Variants in PFKFB2 observed in about 807,000 individuals in gnomAD.
The protein encoded by PFKFB2 is 6-phosphofructo-2-kinase/fructose-2,6-bisphosphatase 2.
A neutral mutation model predicts 68.0 loss-of-function variants in PFKFB2; 53 were observed. That is an observed-to-expected ratio of 0.78 (90% CI 0.63 to 0.98). The LOEUF is 0.98. Among genes scored for constraint, PFKFB2 ranks in the 50% least tolerant of loss-of-function variants. The pLI is 0.00. For missense variants in PFKFB2, 451 were observed against 642.0 expected, an observed-to-expected ratio of 0.70 and a Z score of 3.22; for synonymous variants, 222 against 227.6, an observed-to-expected ratio of 0.98 and a Z score of 0.22.
Position 207,075,411 on chromosome 1 carries a change from GA to G in PFKFB2, c.*3042del. On this transcript the variant is annotated 3_prime_UTR_variant, in exon 15 of 15. Transcript: ENST00000367080. The stretch of plus-strand genomic sequence containing the variant: ...AGCAGGAAGAAGCCAGGAGAATGTA[GA>G]ATGGAAAAGAGCTCTTACTCCAAAT... 2.0e-6 allele frequency: 2 copies of G among 985,418 alleles called. No individual in the cohort carries two copies. The highest frequency in any genetic ancestry group is 2.4e-6 in the Non-Finnish European group (2 of 829,914). The allele number at this position is 985,418 out of a possible 1,614,324, so 61.0% of individuals were successfully genotyped here.
chr1:207,077,646 C>T lies in PFKFB2; in HGVS notation c.*5275C>T. 1 of 985,704 alleles carries T rather than the reference C, an allele frequency of 1.0e-6. No individual in the cohort carries two copies. Among genetic ancestry groups the T allele is most frequent in the Non-Finnish European group, 1.2e-6 (1 of 829,840 alleles). 61.1% of individuals were successfully genotyped at this position (985,704 alleles called of 1,614,324 possible). On this transcript the variant is annotated 3_prime_UTR_variant, in exon 15 of 15. Transcript: ENST00000367080. ...TACTGTAGATTTCCTAGGCACTGCT[C>T]TGTTGAAATAGGAACATAAGTCTTT...
At chr1:207,060,680 T>G (rs1683059443) in intron 2 of PFKFB2, among the ~76,000 whole-genome samples, 1 of 152,204 alleles carries the variant, frequency 6.6e-6, no homozygotes, top group Non-Finnish European at 1.5e-5. Flanking sequence ...GGACCTATTA[T>G]AGGAGCCAGC....
Position 207,065,065 on chromosome 1 carries a change from T to C in PFKFB2, c.537T>C (p.Pro179=), listed in dbSNP as rs1683242907. Residue 179 remains proline, a synonymous_variant, in exon 8 of 15, where the codon CCT becomes CCC. Transcript: ENST00000367080. ...LEVKVSSPDY[P]ERNRENVMED... ...TTAAGGTATCAAGCCCTGACTATCC[T>C]GAAAGGAACAGAGAGAACGTGATGG... The C allele has an allele frequency of 1.2e-6, 2 of 1,613,948 alleles. No individual in the cohort carries two copies. The highest frequency in any genetic ancestry group is 1.3e-5 in the African/African-American group (1 of 74,910).
At position 207,071,083 on chromosome 1, in the gene PFKFB2, A is replaced by G. The variant is rs1030019045; in HGVS notation, c.1223-105A>G. On this transcript the variant is annotated intron_variant, in intron 12 of 14. Transcript: ENST00000367080. ...GTTGTACAACTCTAAGAGGTGGTCA[A>G]AGTAAGGGAAACTCATTATGAGCTC... The G allele has an allele frequency of 1.1e-5, 10 of 914,778 alleles. No homozygotes were observed. The African/African-American group carries it at 1.6e-4, about 15-fold the overall frequency. 56.7% of individuals were successfully genotyped at this position (914,778 alleles called of 1,614,324 possible). A position where few individuals can be genotyped will look rare whatever the true frequency, so the allele number is the denominator to read the frequency against.
At position 207,076,092 on chromosome 1, in the gene PFKFB2, C is replaced by A; in HGVS notation, c.*3721C>A. 1.0e-6 allele frequency: 1 copy of A among 985,276 alleles called. No homozygotes were observed. Among genetic ancestry groups the A allele is most frequent in the Non-Finnish European group, 1.2e-6 (1 of 829,856 alleles). The allele number at this position is 985,276 out of a possible 1,614,324, so 61.0% of individuals were successfully genotyped here. A position where few individuals can be genotyped will look rare whatever the true frequency, so the allele number is the denominator to read the frequency against. On this transcript the variant is annotated 3_prime_UTR_variant, in exon 15 of 15. Transcript: ENST00000367080. Reference sequence around the variant, plus strand: ...TCCAAAGAAGTTGGAGTTAAGGACACAATATATTTGTACCCCTAGACTGAA... The same window carrying A: ...TCCAAAGAAGTTGGAGTTAAGGACAAAATATATTTGTACCCCTAGACTGAA...
intron 1 of PFKFB2, among the ~76,000 whole-genome samples, chr1:207,040,332 G>T (rs1232753487): frequency 6.6e-6 from 1 of 152,168 alleles, no homozygotes; most frequent in Non-Finnish European, 1.5e-5. Flanking sequence ...TATGACATCT[G>T]CTCCAATACC....
Position 207,076,260 on chromosome 1 carries a change from T to TC in PFKFB2, c.*3889_*3890insC. The TC allele has an allele frequency of 2.0e-6, 2 of 979,484 alleles. No individual in the cohort carries two copies. The highest frequency in any genetic ancestry group is 2.4e-6 in the Non-Finnish European group (2 of 824,922). The allele number at this position is 979,484 out of a possible 1,614,324, so 60.7% of individuals were successfully genotyped here. On this transcript the variant is annotated 3_prime_UTR_variant, in exon 15 of 15. Coordinates refer to ENST00000367080, the MANE Select transcript of PFKFB2 (RefSeq NM_006212.2). ...TATGTTACTTTTTTTTTCTTTTTTTTTTTTTTTTATGAGCAGGAGATCTTA... is the reference window on the plus strand; with the variant it reads ...TATGTTACTTTTTTTTTCTTTTTTTTCTTTTTTTTATGAGCAGGAGATCTTA...
chr1:207,071,303 T>G, intron 13 of PFKFB2, 53 bp downstream of exon 13: 4 of 1,475,528 alleles, frequency 2.7e-6, no homozygotes, highest in African/African-American at 2.8e-5. Flanking sequence ...AAGGTCAGAA[T>G]TTTCTCTGAA....
intron 7 of PFKFB2, 106 bp from the exon 8 acceptor site, chr1:207,064,930 G>A (rs1683238887): frequency 3.8e-6 from 5 of 1,328,194 alleles, no homozygotes; most frequent in Middle Eastern, 2.6e-4. Flanking sequence ...CCAGTGAAAG[G>A]CGACATTTAT....
chr1:207,067,421 G>A (rs2102272044), intron 8 of PFKFB2, 78 bp from the exon 9 acceptor site: 1 of 1,051,230 alleles, frequency 9.5e-7, no homozygotes, highest in Non-Finnish European at 1.4e-6. Context: ...GCAAGTCCCT[G>A]TAGAAATCCT....
chr1:207,051,012 C>G (rs1351714496), upstream of PFKFB2: 1 of 1,514,930 alleles, frequency 6.6e-7, no homozygotes. Flanking sequence ...AAATGGCGAC[C>G]TTTAGCGGGG....
chr1:207,071,260 C>T lies in PFKFB2; in HGVS notation c.1285+10C>T, dbSNP rs1683458127. Reference sequence around the variant, plus strand: ...ACTCCTGTGGCCTATGGTAACTATGCACATAGGGGCTGGCAGGAGCTGGGA... The same window carrying T: ...ACTCCTGTGGCCTATGGTAACTATGTACATAGGGGCTGGCAGGAGCTGGGA... On this transcript the variant is annotated intron_variant, in intron 13 of 14. Transcript: ENST00000367080. 6.2e-7 allele frequency: 1 copy of T among 1,602,362 alleles called. No homozygotes were observed. Among genetic ancestry groups the T allele is most frequent in the African/African-American group, 1.3e-5 (1 of 74,662 alleles).
Position 207,065,165 on chromosome 1 carries a change from G to C in PFKFB2, c.632+5G>C. On this transcript the variant is annotated splice_donor_5th_base_variant and intron_variant, in intron 8 of 14. Coordinates refer to ENST00000367080, the MANE Select transcript of PFKFB2 (RefSeq NM_006212.2). ...TGACCCAGACAACTATGACAAGTAAGGTTTAAGGCCATGGTTTGAAGGGCC... is the reference window on the plus strand; with the variant it reads ...TGACCCAGACAACTATGACAAGTAACGTTTAAGGCCATGGTTTGAAGGGCC... The C allele has an allele frequency of 6.2e-7, 1 of 1,613,492 alleles. No homozygotes were observed. Among genetic ancestry groups the C allele is most frequent in the African/African-American group, 1.3e-5 (1 of 75,012 alleles).
intron 2 of PFKFB2, chr1:207,047,385 A>T (rs1682625667): frequency 6.6e-6 from 1 of 152,496 alleles, no homozygotes; most frequent in African/African-American, 2.4e-5. Flanking sequence ...AATGTTCCTT[A>T]ATTTTATATG....
Position 207,073,760 on chromosome 1 carries a change from T to TCTTA in PFKFB2, c.*1390_*1393dup. 1.2e-5 allele frequency: 12 copies of TCTTA among 984,726 alleles called. No individual in the cohort carries two copies. The highest frequency in any genetic ancestry group is 1.4e-5 in the Non-Finnish European group (12 of 829,270). 61.0% of individuals were successfully genotyped at this position (984,726 alleles called of 1,614,324 possible). ...AACAGAAAATGTTTAGGGAAGAAAT[T>TCTTA]CTTAGCCCCTTGATGACCATGATGG... On this transcript the variant is annotated 3_prime_UTR_variant, in exon 15 of 15. Transcript: ENST00000367080.
At chr1:207,035,591 T>C (rs981781858) in intron 1 of PFKFB2, among the ~76,000 whole-genome samples, 3 of 151,890 alleles carry the variant, frequency 2.0e-5, no homozygotes, top group Non-Finnish European at 2.9e-5. Context: ...AGATCAAGGC[T>C]GCAGTGAGCC....
chr1:207,050,584 C>G (rs1282254475), upstream of PFKFB2: 1 of 1,505,628 alleles, frequency 6.6e-7, no homozygotes, highest in Non-Finnish European at 9.0e-7. Context: ...CTCAAAGCCC[C>G]CCCGCCGACT....
chr1:207,063,285 C>G lies in PFKFB2; in HGVS notation c.376-62C>G. ...CTGGCTACCCAGCCCCACCTTGAGTCTGCCCTGGTGGGGTTCTGTTTCTCT... is the reference window on the plus strand; with the variant it reads ...CTGGCTACCCAGCCCCACCTTGAGTGTGCCCTGGTGGGGTTCTGTTTCTCT... On this transcript the variant is annotated intron_variant, in intron 5 of 14. Coordinates refer to ENST00000367080, the MANE Select transcript of PFKFB2 (RefSeq NM_006212.2). The surrounding 1 kb of genome is among the most constrained non-coding windows in gnomAD (Gnocchi z 4.1). The G allele has an allele frequency of 6.4e-7, 1 of 1,570,406 alleles. No homozygotes were observed. The highest frequency in any genetic ancestry group is 1.3e-5 in the African/African-American group (1 of 74,168).
Position 207,063,318 on chromosome 1 carries a change from C to A in PFKFB2, c.376-29C>A. On this transcript the variant is annotated intron_variant, in intron 5 of 14. Coordinates refer to ENST00000367080, the MANE Select transcript of PFKFB2 (RefSeq NM_006212.2). The surrounding 1 kb of genome is among the most constrained non-coding windows in gnomAD (Gnocchi z 4.1). ...GTGGGGTTCTGTTTCTCTGTTCCTG[C>A]TCATTTACCTTGTGTACTTTCTTCA... 2 of 1,596,286 alleles carry A rather than the reference C, an allele frequency of 1.3e-6. No individual in the cohort carries two copies. Among genetic ancestry groups the A allele is most frequent in the Non-Finnish European group, 1.7e-6 (2 of 1,163,766 alleles).
Sources: gnomAD v4.1 joint callset for allele counts (sites outside exome capture counted in the v4.1 genomes callset) on GRCh38, gnomAD v4.1.1 for gene constraint, Gnocchi (gnomAD v3.1) non-coding constraint, MANE v1.5 for transcripts, NCBI Gene and HGNC (gene_info 2026-07-23, HGNC 2026-07-21) for gene names.